CNTN5: variants seen among roughly 807,000 people sequenced by gnomAD.
CNTN5 encodes the protein contactin 5, also known as contactin-5.
Under a neutral mutation model 129.1 loss-of-function variants are expected in CNTN5, and 77 were observed. The observed-to-expected ratio is 0.60, with a 90% CI of 0.50 to 0.72. The LOEUF (loss-of-function observed/expected upper bound fraction) is 0.72, where lower values mean the gene tolerates loss of function less well. Among genes scored for constraint, CNTN5 ranks in the 30% least tolerant of loss-of-function variants. The probability of loss-of-function intolerance (pLI) is 0.00; values close to 1 mark genes in which losing one functional copy is unlikely to be tolerated. For missense variants in CNTN5, 1,478 were observed against 1,328.8 expected (o/e 1.11, Z -1.75); for synonymous variants, 509 against 465.6 (o/e 1.09, Z -1.20).
intron 3 of CNTN5, among the ~76,000 whole-genome samples, chr11:99,642,062 AT>A (rs1951791247): frequency 6.6e-6 from 1 of 151,996 alleles, no homozygotes; most frequent in Non-Finnish European, 1.5e-5. Context: ...CTTTTCTGGG[AT>A]TTTTCTAAGT....
At chr11:99,751,492 A>G (rs1944234263) in intron 3 of CNTN5, among the ~76,000 whole-genome samples, 1 of 152,222 alleles carries the variant, frequency 6.6e-6, no homozygotes, top group Admixed American at 6.5e-5. Flanking sequence ...ATATTATTTG[A>G]CAATTTATTC....
chr11:99,388,218 C>T (rs888127653), intron 2 of CNTN5, among the ~76,000 whole-genome samples: 2 of 151,920 alleles, frequency 1.3e-5, no homozygotes, highest in Non-Finnish European at 2.9e-5. Context: ...GAGTTTGACA[C>T]CAGCCTGGCC....
chr11:99,591,349 T>TTG (rs1208861128), intron 3 of CNTN5, among the ~76,000 whole-genome samples: 1 of 147,054 alleles, frequency 6.8e-6, no homozygotes, highest in Non-Finnish European at 1.5e-5. Context: ...TTTTTTTTTT[T>TTG]TTTTTTGAGA....
At chr11:99,990,130 C>A (rs565455235) in intron 8 of CNTN5, among the ~76,000 whole-genome samples, 1 of 152,228 alleles carries the variant, frequency 6.6e-6, no homozygotes, top group African/African-American at 2.4e-5. Context: ...TTGCTTTCTT[C>A]AGGCCTTACA....
chr11:99,437,290 G>A (rs1424155111), intron 2 of CNTN5, among the ~76,000 whole-genome samples: 3 of 152,118 alleles, frequency 2.0e-5, no homozygotes, highest in Non-Finnish European at 4.4e-5. Flanking sequence ...ACTGGTATGA[G>A]AATTAAAAGT....
chr11:99,278,647 A>G (rs772617740), intron 1 of CNTN5, among the ~76,000 whole-genome samples: 3 of 151,650 alleles, frequency 2.0e-5, no homozygotes, highest in Non-Finnish European at 4.4e-5. Context: ...GAGTCATATC[A>G]CAAAAGCATT....
chr11:99,708,144 T>A (rs1954831215), intron 3 of CNTN5, among the ~76,000 whole-genome samples: 1 of 151,690 alleles, frequency 6.6e-6, no homozygotes, highest in Admixed American at 6.6e-5. Context: ...TTGATGATGA[T>A]CTTCCCCTGG....
chr11:99,958,517 A>T (rs759248548), intron 8 of CNTN5, among the ~76,000 whole-genome samples: 10 of 152,206 alleles, frequency 6.6e-5, no homozygotes, highest in Non-Finnish European at 1.5e-4. Flanking sequence ...AGGTAATCAG[A>T]TACATATTCC....
At chr11:99,571,700 G>A (rs183144952) in intron 3 of CNTN5, among the ~76,000 whole-genome samples, 8 of 152,064 alleles carry the variant, frequency 5.3e-5, no homozygotes, top group African/African-American at 1.9e-4. Context: ...TAGGAGGGAA[G>A]GCAAAAAAGG....
At position 99,462,360 on chromosome 11, in the gene CNTN5, C is replaced by CTTTTT. The variant is rs72276833; in HGVS notation, c.-70-93773_-70-93769dup. ...TTTTTTTCTTTTTTTCTTTTCTTTT[C>CTTTTT]TTTTTTTTTTTTTTTTACATTTTTC... On this transcript the variant is annotated intron_variant, in intron 2 of 24. Coordinates refer to ENST00000524871, the MANE Select transcript of CNTN5 (RefSeq NM_014361.4). 2.0e-3 allele frequency among the ~76,000 whole-genome samples: 250 copies of CTTTTT among 125,226 alleles called. 1 individual carries two copies. The highest frequency in any genetic ancestry group is 0.019 in the South Asian group (72 of 3,790). 82.2% of individuals were successfully genotyped at this position (125,226 alleles called of 152,430 possible).
chr11:99,452,219 G>A (rs1290751181), intron 2 of CNTN5, among the ~76,000 whole-genome samples: 1 of 151,878 alleles, frequency 6.6e-6, no homozygotes, highest in African/African-American at 2.4e-5. Context: ...GTATACAATT[G>A]AAGTAATATA....
chr11:99,517,328 G>T (rs1014569284), intron 2 of CNTN5, among the ~76,000 whole-genome samples: 2 of 151,708 alleles, frequency 1.3e-5, no homozygotes, highest in Admixed American at 1.3e-4. Flanking sequence ...ACTCTTCCAA[G>T]AGTAGATCTT....
At chr11:100,148,094 G>C (rs1021059685) in intron 13 of CNTN5, among the ~76,000 whole-genome samples, 9 of 152,032 alleles carry the variant, frequency 5.9e-5, no homozygotes, top group African/African-American at 2.2e-4. Context: ...ACAGGCTCTA[G>C]CATTTCTCTT....
chr11:99,863,674 T>C (rs1948276547), intron 6 of CNTN5, among the ~76,000 whole-genome samples: 1 of 152,198 alleles, frequency 6.6e-6, no homozygotes, highest in Admixed American at 6.5e-5. Flanking sequence ...TATTCTACTT[T>C]AGTTCAAACT....
intron 3 of CNTN5, among the ~76,000 whole-genome samples, chr11:99,579,204 C>A (rs1436252669): frequency 2.0e-5 from 3 of 152,086 alleles, no homozygotes; most frequent in African/African-American, 7.2e-5. Flanking sequence ...TGTTTTGGTA[C>A]CAGTACCATG....
intron 2 of CNTN5, among the ~76,000 whole-genome samples, chr11:99,337,306 A>G (rs987729468): frequency 1.3e-5 from 2 of 152,196 alleles, no homozygotes; most frequent in Non-Finnish European, 2.9e-5. Context: ...ACACACACAC[A>G]GAAAGATAGA....
chr11:100,212,816 A>C (rs1435890346), intron 15 of CNTN5, among the ~76,000 whole-genome samples: 1 of 152,156 alleles, frequency 6.6e-6, no homozygotes, highest in Non-Finnish European at 1.5e-5. Context: ...ATCTAAAAAA[A>C]TTTTAGTGGA....
chr11:99,713,844 T>C (rs1193944006), intron 3 of CNTN5, among the ~76,000 whole-genome samples: 2 of 152,006 alleles, frequency 1.3e-5, no homozygotes, highest in Non-Finnish European at 2.9e-5. Context: ...TTTGTGTATG[T>C]TATAAAGGAA....
At chr11:99,763,760 C>T (rs1213901156) in intron 3 of CNTN5, among the ~76,000 whole-genome samples, 1 of 151,792 alleles carries the variant, frequency 6.6e-6, no homozygotes, top group Non-Finnish European at 1.5e-5. Context: ...GATTTTTAGT[C>T]TTGTGATCTG....
Sources: allele counts gnomAD v4.1 joint callset (sites outside exome capture counted in the v4.1 genomes callset), GRCh38; gene constraint gnomAD v4.1.1; transcripts MANE v1.5; gene names NCBI Gene and HGNC (gene_info 2026-07-23, HGNC 2026-07-21).